The following THSD7A variants were observed in gnomAD, a reference collection of about 807,000 sequenced individuals.
THSD7A encodes the protein thrombospondin type-1 domain-containing protein 7A.
Under a neutral mutation model 231.3 loss-of-function variants are expected in THSD7A, and 96 were observed. That is an observed-to-expected ratio of 0.41 (90% confidence interval 0.35 to 0.49). The LOEUF is 0.49. Among genes scored for constraint, THSD7A ranks in the 20% least tolerant of loss-of-function variants. THSD7A has a pLI of 0.05. For missense variants in THSD7A, 2,290 were observed against 2,070.2 expected, an observed-to-expected ratio of 1.11 and a Z score of -2.06; for synonymous variants, 940 against 743.3, an observed-to-expected ratio of 1.26 and a Z score of -4.30.
chr7:11,569,096 A>C (rs1187315935), intron 4 of THSD7A, among the ~76,000 whole-genome samples: 1 of 152,096 alleles, frequency 6.6e-6, no homozygotes, highest in East Asian at 1.9e-4. Context: ...GACTAGAAGA[A>C]AGCAAGCAAA....
intron 2 of THSD7A, among the ~76,000 whole-genome samples, chr7:11,629,339 C>A (rs965759424): frequency 1.3e-5 from 2 of 152,128 alleles, no homozygotes; most frequent in Admixed American, 6.6e-5. Flanking sequence ...CTACCATCTA[C>A]CAAAGAATAT....
chr7:11,398,371 C>T (rs1179079421), intron 23 of THSD7A, among the ~76,000 whole-genome samples: 1 of 151,952 alleles, frequency 6.6e-6, no homozygotes, highest in African/African-American at 2.4e-5. Context: ...GAACATCACA[C>T]ACTGGGGCCT....
At chr7:11,433,993 A>C (rs1784556167) in intron 13 of THSD7A, among the ~76,000 whole-genome samples, 1 of 152,026 alleles carries the variant, frequency 6.6e-6, no homozygotes, top group Non-Finnish European at 1.5e-5. Flanking sequence ...TAGCATATCA[A>C]TTTTATTTTC....
intron 6 of THSD7A, among the ~76,000 whole-genome samples, chr7:11,523,271 T>C (rs558624169): frequency 1.6e-4 from 24 of 152,214 alleles, no homozygotes; most frequent in Middle Eastern, 3.4e-3. Context: ...TATAGTAATA[T>C]GAAGACTTTT....
chr7:11,385,569 T>G (rs372166851), intron 23 of THSD7A: 1 of 151,838 alleles, frequency 6.6e-6, no homozygotes, highest in South Asian at 2.1e-4. Flanking sequence ...ATAAATTACA[T>G]TAAGAGATTT....
At chr7:11,816,739 A>AT in intron 1 of THSD7A, among the ~76,000 whole-genome samples, 1 of 151,948 alleles carries the variant, frequency 6.6e-6, no homozygotes, top group East Asian at 1.9e-4. Context: ...TTTAGTGAAA[A>AT]AAGTGTATAA....
intron 8 of THSD7A, among the ~76,000 whole-genome samples, chr7:11,471,085 A>G (rs1273900996): frequency 6.6e-6 from 1 of 151,966 alleles, no homozygotes; most frequent in African/African-American, 2.4e-5. Context: ...AATGCTGATA[A>G]TGAGCCTTAA....
intron 3 of THSD7A, among the ~76,000 whole-genome samples, chr7:11,592,050 C>T (rs4639399): frequency 9.5e-4 from 144 of 152,190 alleles, no homozygotes; most frequent in African/African-American, 3.3e-3. Context: ...TAGCTTGCAA[C>T]AAAAATAGAG....
intron 9 of THSD7A, among the ~76,000 whole-genome samples, chr7:11,468,013 T>C (rs1785777667): frequency 6.6e-6 from 1 of 152,020 alleles, no homozygotes; most frequent in Non-Finnish European, 1.5e-5. Context: ...TGAAATACTT[T>C]AGATCAAATC....
intron 1 of THSD7A, among the ~76,000 whole-genome samples, chr7:11,676,519 G>C (rs773953661): frequency 1.1e-4 from 16 of 152,110 alleles, no homozygotes; most frequent in African/African-American, 3.6e-4. Context: ...TAAGAACCTT[G>C]ATAAAAGATG....
chr7:11,502,734 G>A (rs988764260), intron 6 of THSD7A, among the ~76,000 whole-genome samples: 1 of 151,970 alleles, frequency 6.6e-6, no homozygotes, highest in Non-Finnish European at 1.5e-5. Flanking sequence ...AAATACCTAG[G>A]AATACAGCCA....
At chr7:11,775,040 C>G (rs1387231333) in intron 1 of THSD7A, among the ~76,000 whole-genome samples, 1 of 151,874 alleles carries the variant, frequency 6.6e-6, no homozygotes, top group African/African-American at 2.4e-5. Flanking sequence ...TGAGATTTGT[C>G]TCAAAAGCAA....
intron 2 of THSD7A, among the ~76,000 whole-genome samples, chr7:11,604,759 GT>G (rs1261556461): frequency 6.6e-6 from 1 of 152,064 alleles, no homozygotes; most frequent in Non-Finnish European, 1.5e-5. Flanking sequence ...TTATAAATGA[GT>G]TTAACATTAA....
intron 1 of THSD7A, among the ~76,000 whole-genome samples, chr7:11,816,484 C>T (rs1177722006): frequency 3.3e-5 from 5 of 152,114 alleles, no homozygotes; most frequent in Admixed American, 2.0e-4. Context: ...CAGGTAGATG[C>T]TACTAGAAAA....
chr7:11,455,704 A>G (rs1785286238), intron 11 of THSD7A, among the ~76,000 whole-genome samples: 1 of 152,070 alleles, frequency 6.6e-6, no homozygotes, highest in Admixed American at 6.6e-5. Flanking sequence ...CATTTACTTG[A>G]TTAGAAGAGA....
intron 4 of THSD7A, among the ~76,000 whole-genome samples, chr7:11,559,917 A>G (rs1790008908): frequency 6.6e-6 from 1 of 152,200 alleles, no homozygotes; most frequent in African/African-American, 2.4e-5. Flanking sequence ...AGATGTGCAT[A>G]CTTCTAGGTA....
chr7:11,407,990 G>A (rs1216504008), intron 19 of THSD7A, among the ~76,000 whole-genome samples: 2 of 152,036 alleles, frequency 1.3e-5, no homozygotes, highest in Non-Finnish European at 2.9e-5. Context: ...AATATTTTAT[G>A]TGCATTTTTT....
intron 1 of THSD7A, among the ~76,000 whole-genome samples, chr7:11,690,703 C>G (rs1336457367): frequency 1.3e-5 from 2 of 151,754 alleles, no homozygotes; most frequent in African/African-American, 2.4e-5. Context: ...ACAACCCATA[C>G]TTTCTCGAAT....
intron 6 of THSD7A, among the ~76,000 whole-genome samples, chr7:11,505,604 A>T (rs1453062387): frequency 6.6e-6 from 1 of 152,252 alleles, no homozygotes; most frequent in Admixed American, 6.5e-5. Context: ...AACAATTAAA[A>T]TACACTAAAG....
Sources: gnomAD v4.1 joint callset for allele counts (sites outside exome capture counted in the v4.1 genomes callset) on GRCh38, gnomAD v4.1.1 for gene constraint, MANE v1.5 for transcripts, NCBI Gene and HGNC (gene_info 2026-07-23, HGNC 2026-07-21) for gene names.